COL21A1: variants seen among roughly 807,000 people sequenced by gnomAD.
COL21A1 encodes collagen type XXI alpha 1 chain, also known as collagen alpha-1(XXI) chain.
In COL21A1, 149 loss-of-function variants were observed where a neutral mutation model predicts 137.9. The ratio of observed to expected loss-of-function variants is 1.08; its 90% confidence interval spans 0.95 to 1.24. The LOEUF (loss-of-function observed/expected upper bound fraction) is 1.24, where lower values mean the gene tolerates loss of function less well. Among genes scored for constraint, COL21A1 ranks in the 50% most tolerant of loss-of-function variants. COL21A1 has a pLI of 0.00. For synonymous variants in COL21A1, 456 were observed against 391.5 expected (o/e 1.16, Z -1.95); for missense variants, 1,167 against 1,158.4 (o/e 1.01, Z -0.11).
chr6:56,378,181 G>A (rs1226199417), intron 1 of COL21A1, among the ~76,000 whole-genome samples: 2 of 152,134 alleles, frequency 1.3e-5, no homozygotes, highest in East Asian at 3.9e-4. Flanking sequence ...CCTTCTGCTT[G>A]AGAAAAGCAG....
chr6:56,203,291 CAGTG>C (rs1323171155), intron 1 of COL21A1, among the ~76,000 whole-genome samples: 1 of 152,048 alleles, frequency 6.6e-6, no homozygotes, highest in Non-Finnish European at 1.5e-5. Flanking sequence ...TTAGAAAATA[CAGTG>C]TTAGCATATC....
chr6:56,167,493 T>G (rs1170766799), intron 6 of COL21A1, among the ~76,000 whole-genome samples: 1 of 152,174 alleles, frequency 6.6e-6, no homozygotes, highest in Non-Finnish European at 1.5e-5. Flanking sequence ...ACCACATGTG[T>G]AAACACGTAT....
intron 1 of COL21A1, among the ~76,000 whole-genome samples, chr6:56,360,565 G>A (rs1006368925): frequency 1.3e-5 from 2 of 152,124 alleles, no homozygotes; most frequent in Non-Finnish European, 2.9e-5. Flanking sequence ...GCAAAAAGTT[G>A]CCAGCATGAA....
chr6:56,145,506 G>T (rs1003644045), intron 10 of COL21A1, among the ~76,000 whole-genome samples: 4 of 151,898 alleles, frequency 2.6e-5, no homozygotes, highest in Non-Finnish European at 5.9e-5. Context: ...GGAAAATAAA[G>T]GTTAAAAAGG....
Position 56,157,619 on chromosome 6 carries a change from G to A in COL21A1, c.1372-670C>T, listed in dbSNP as rs78352991. ...CCCAGCCTATAGACTTAATTATATC[G>A]TATAGGTTCTACATATATAGATATC... On this transcript the variant is annotated intron_variant, in intron 9 of 29. Transcript: ENST00000244728. 8.9e-3 allele frequency among the ~76,000 whole-genome samples: 1,357 copies of A among 152,100 alleles called. 19 individuals are homozygous for A. The highest frequency in any genetic ancestry group is 0.029 in the African/African-American group (1,219 of 41,490).
At chr6:56,252,508 A>C (rs1782877531), upstream of COL21A1, among the ~76,000 whole-genome samples, 1 of 152,236 alleles carries the variant, frequency 6.6e-6, no homozygotes, top group Non-Finnish European at 1.5e-5. Context: ...AAGGGCTGGA[A>C]AATTAAGTTT....
intron 1 of COL21A1, among the ~76,000 whole-genome samples, chr6:56,301,286 G>C (rs1328040930): frequency 6.6e-6 from 1 of 152,134 alleles, no homozygotes; most frequent in Non-Finnish European, 1.5e-5. Context: ...GTCTGAGTTA[G>C]AAAGAAATTT....
At chr6:56,331,267 T>C (rs1765217809) in intron 1 of COL21A1, among the ~76,000 whole-genome samples, 1 of 151,862 alleles carries the variant, frequency 6.6e-6, no homozygotes, top group South Asian at 2.1e-4. Flanking sequence ...TTTTTTTCTG[T>C]GTAGAAGCTT....
At chr6:56,245,152 TA>T (rs1782567870) in intron 1 of COL21A1, among the ~76,000 whole-genome samples, 1 of 152,070 alleles carries the variant, frequency 6.6e-6, no homozygotes, top group Non-Finnish European at 1.5e-5. Flanking sequence ...ATAGTACTTC[TA>T]AACTAGCTTT....
chr6:56,344,061 C>T (rs577676994), intron 1 of COL21A1, among the ~76,000 whole-genome samples: 1 of 152,120 alleles, frequency 6.6e-6, no homozygotes, highest in African/African-American at 2.4e-5. Flanking sequence ...TTCAAATTTG[C>T]CTTCAAAATT....
chr6:56,294,722 C>T (rs965153859), intron 1 of COL21A1, among the ~76,000 whole-genome samples: 1 of 151,848 alleles, frequency 6.6e-6, no homozygotes, highest in African/African-American at 2.4e-5. Context: ...TGTTGAGTAT[C>T]TCCTGTATGT....
intron 10 of COL21A1, among the ~76,000 whole-genome samples, chr6:56,143,206 T>C (rs946129600): frequency 2.0e-5 from 3 of 147,738 alleles, no homozygotes; most frequent in Non-Finnish European, 3.0e-5. Context: ...TTTCTTTTTT[T>C]TTTTTTTTTT....
chr6:56,354,970 T>C (rs1765799499), intron 1 of COL21A1, among the ~76,000 whole-genome samples: 1 of 152,210 alleles, frequency 6.6e-6, no homozygotes, highest in Non-Finnish European at 1.5e-5. Context: ...AAAGTTCAAC[T>C]TACTATTTTA....
At position 56,181,006 on chromosome 6, in the gene COL21A1, G is replaced by A. The variant is rs560837380; in HGVS notation, c.89-877C>T. On this transcript the variant is annotated intron_variant, in intron 2 of 29. Coordinates refer to ENST00000244728, the MANE Select transcript of COL21A1 (RefSeq NM_030820.4). The stretch of plus-strand genomic sequence containing the variant: ...ACTAATACTCTTGTTTCAGATCCCT[G>A]ATTGCCTGTCGGCTTTATCATAAAA... Among the ~76,000 whole-genome samples the A allele has an allele frequency of 3.3e-5, 5 of 152,296 alleles. No individual in the cohort carries two copies. In the South Asian group the frequency reaches 1.0e-3, roughly 32 times the overall value.
intron 9 of COL21A1, among the ~76,000 whole-genome samples, chr6:56,159,391 A>G (rs1776025204): frequency 6.8e-6 from 1 of 146,316 alleles, no homozygotes; most frequent in Non-Finnish European, 1.5e-5. Context: ...GGAGTGCAAT[A>G]GCATGATCCT....
chr6:56,260,711 G>C (rs1337247558), intron 1 of COL21A1, among the ~76,000 whole-genome samples: 1 of 150,234 alleles, frequency 6.7e-6, no homozygotes, highest in African/African-American at 2.5e-5. Context: ...CAGGCAGGCA[G>C]GCAGGAAGGG....
chr6:56,179,925 TCTC>T lies in COL21A1; in HGVS notation c.290_292del (p.Gly97del). On this transcript the variant is annotated inframe_deletion, in exon 3 of 30. Transcript: ENST00000244728. The stretch of plus-strand genomic sequence containing the variant: ...GGATTCCACTGCTGCCGTCAAATGT[TCTC>T]CTGAATCATAGCTTCCGAGAGGAAT... 1 of 1,613,904 alleles carries T rather than the reference TCTC, an allele frequency of 6.2e-7. No individual in the cohort carries two copies. Among genetic ancestry groups the T allele is most frequent in the Non-Finnish European group, 8.5e-7 (1 of 1,179,856 alleles).
At chr6:56,329,095 G>GA (rs1161688937) in intron 1 of COL21A1, among the ~76,000 whole-genome samples, 1 of 151,988 alleles carries the variant, frequency 6.6e-6, no homozygotes, top group Non-Finnish European at 1.5e-5. Context: ...TCTTTAAAAT[G>GA]AAAAAAGCAG....
chr6:56,076,814 T>C (rs771335924), intron 18 of COL21A1, among the ~76,000 whole-genome samples: 2 of 151,464 alleles, frequency 1.3e-5, no homozygotes, highest in African/African-American at 2.4e-5. Flanking sequence ...GCAGAGGTCA[T>C]ATGGAGATAA....
Sources: gnomAD v4.1 joint callset for allele counts (sites outside exome capture counted in the v4.1 genomes callset) on GRCh38, gnomAD v4.1.1 for gene constraint, MANE v1.5 for transcripts, NCBI Gene and HGNC (gene_info 2026-07-23, HGNC 2026-07-21) for gene names.